Variants in BPTF observed in about 807,000 individuals in gnomAD.
BPTF encodes nucleosome-remodeling factor subunit BPTF.
In BPTF, 18 loss-of-function variants were observed where a neutral mutation model predicts 292.5. The ratio of observed to expected loss-of-function variants is 0.06; its 90% CI spans 0.04 to 0.09. BPTF has a LOEUF of 0.09. Ranked by LOEUF, BPTF falls within the 10% of genes least tolerant of loss-of-function variation. BPTF has a pLI of 1.00. For synonymous variants in BPTF, 1,225 were observed against 1,251.9 expected (o/e 0.98, Z 0.45); for missense variants, 2,726 against 3,498.7 (o/e 0.78, Z 5.57).
intron 1 of BPTF, among the ~76,000 whole-genome samples, chr17:67,838,297 C>T (rs1567868000): frequency 6.6e-6 from 1 of 152,140 alleles, no homozygotes; most frequent in African/African-American, 2.4e-5. Flanking sequence ...TTCGATAATT[C>T]GTTTAGGAAA....
chr17:67,846,225 C>T (rs1598204319), intron 1 of BPTF, among the ~76,000 whole-genome samples: 1 of 152,302 alleles, frequency 6.6e-6, no homozygotes, highest in East Asian at 1.9e-4. Context: ...CATGGTGGCT[C>T]ACACCTGTAA....
chr17:67,970,269 C>T (rs1019724145), intron 26 of BPTF, among the ~76,000 whole-genome samples: 8 of 151,802 alleles, frequency 5.3e-5, no homozygotes. Context: ...AGGCATGGTG[C>T]CTCATGCCTG....
intron 1 of BPTF, among the ~76,000 whole-genome samples, chr17:67,839,101 C>T (rs1368261097): frequency 6.6e-6 from 1 of 151,630 alleles, no homozygotes; most frequent in Non-Finnish European, 1.5e-5. Flanking sequence ...ATTACATTGC[C>T]CTCTACCATT....
chr17:67,856,179 C>T (rs144633999), intron 2 of BPTF, among the ~76,000 whole-genome samples: 2,464 of 152,144 alleles, frequency 0.016, 53 homozygotes, highest in African/African-American at 0.052. Flanking sequence ...CTCTTTTTCT[C>T]TTTGGGGTAT....
intron 25 of BPTF, chr17:67,966,225 A>G: frequency 4.9e-6 from 1 of 204,214 alleles, no homozygotes; most frequent in South Asian, 7.7e-5. Flanking sequence ...CAGCTGTGGT[A>G]ATGATTCCAC....
intron 23 of BPTF, among the ~76,000 whole-genome samples, chr17:67,950,257 C>A (rs2148045795): frequency 6.6e-6 from 1 of 150,798 alleles, no homozygotes; most frequent in African/African-American, 2.4e-5. Context: ...TGAGACTGTC[C>A]CCCCGCCCCC....
chr17:67,849,834 G>A lies in BPTF; in HGVS notation c.614-4106G>A, dbSNP rs542530803. On this transcript the variant is annotated intron_variant, in intron 1 of 27. Transcript: ENST00000306378. Reference sequence around the variant, plus strand: ...TGGGCACCTGTAGTCCCAGCTACTCGGGAGGCTGAGGCAGGAGAATCACTT... The same window carrying A: ...TGGGCACCTGTAGTCCCAGCTACTCAGGAGGCTGAGGCAGGAGAATCACTT... 3.3e-5 allele frequency among the ~76,000 whole-genome samples: 5 copies of A among 152,176 alleles called. No homozygotes were observed. In the East Asian group the frequency reaches 7.7e-4, roughly 24 times the overall value.
At chr17:67,944,404 T>G in intron 20 of BPTF, 32 bp downstream of exon 20, 4 of 1,603,100 alleles carry the variant, frequency 2.5e-6, no homozygotes, top group Non-Finnish European at 3.4e-6. Flanking sequence ...AAATGTCGGA[T>G]GTTACTACTA....
chr17:67,893,386 C>T lies in BPTF; in HGVS notation c.2072C>T (p.Ser691Phe), dbSNP rs765553989. ...TTTGGTCAGGTACTGGTAGTTAACTCTCAAGGAGAAATTTCACGGTTGAGC... is the reference window on the plus strand; with the variant it reads ...TTTGGTCAGGTACTGGTAGTTAACTTTCAAGGAGAAATTTCACGGTTGAGC... ...KEGKEVLVVN[S>F]QGEISRLSTK... Residue 691 changes from serine (S) to phenylalanine (F), a missense_variant, in exon 6 of 28, where the codon TCT becomes TTT. Around this residue, in one of 22 missense-constraint regions of BPTF, gnomAD observed 63 missense variants for 84.1 expected, o/e 0.75. Transcript: ENST00000306378. 1.2e-6 allele frequency: 2 copies of T among 1,613,812 alleles called. No individual in the cohort carries two copies. Among genetic ancestry groups the T allele is most frequent in the Non-Finnish European group, 1.7e-6 (2 of 1,179,880 alleles).
intron 4 of BPTF, among the ~76,000 whole-genome samples, chr17:67,883,366 C>T (rs977057726): frequency 6.6e-6 from 1 of 152,096 alleles, no homozygotes; most frequent in African/African-American, 2.4e-5. Context: ...CAACTTGATA[C>T]ACAGTTCATT....
Position 67,874,685 on chromosome 17 carries a change from G to A in BPTF, c.1661-132G>A, listed in dbSNP as rs1263339119. The A allele has an allele frequency of 5.0e-6, 3 of 605,868 alleles. No individual in the cohort carries two copies. In the East Asian group the frequency reaches 8.5e-5, roughly 17 times the overall value. The allele number at this position is 605,868 out of a possible 1,614,324, so 37.5% of individuals were successfully genotyped here. On this transcript the variant is annotated intron_variant, in intron 3 of 27. Transcript: ENST00000306378. ...TTGTAATCTTGATTTTTATTTCATA[G>A]GTCTAATGCTTTAAAAATACTTAAT...
At position 67,909,652 on chromosome 17, in the gene BPTF, A is replaced by T. The variant is rs754041893; in HGVS notation, c.2883A>T (p.Ile961=). The T allele has an allele frequency of 1.2e-6, 2 of 1,602,422 alleles. No homozygotes were observed. Among genetic ancestry groups the T allele is most frequent in the African/African-American group, 2.7e-5 (2 of 74,130 alleles). ...AATGTTCACGAAGTCCAAAAAAAAT[A>T]AAAATAGAGCCTGATTCTGAAAAAG... The part of the protein sequence containing the change: ...KRKCSRSPKK[I]KIEPDSEKDE... Residue 961 remains isoleucine (I), a synonymous_variant, in exon 10 of 28, where the codon ATA becomes ATT. Transcript: ENST00000306378.
At chr17:67,862,227 C>T (rs1176828465) in intron 2 of BPTF, among the ~76,000 whole-genome samples, 2 of 152,172 alleles carry the variant, frequency 1.3e-5, no homozygotes, top group African/African-American at 4.8e-5. Context: ...CCACCTGCCT[C>T]GGACTCCGAA....
chr17:67,910,562 G>C (rs2062584393), intron 10 of BPTF, among the ~76,000 whole-genome samples: 1 of 152,210 alleles, frequency 6.6e-6, no homozygotes, highest in South Asian at 2.1e-4. Context: ...CACTTTGGGA[G>C]GCTGAGGTGG....
chr17:67,965,019 A>AAT, intron 25 of BPTF: 1 of 149,588 alleles, frequency 6.7e-6, no homozygotes, highest in African/African-American at 2.5e-5. Flanking sequence ...AAAAAAAAAA[A>AAT]AGATTATAGT....
chr17:67,857,976 T>TG (rs1567914731), intron 2 of BPTF, among the ~76,000 whole-genome samples: 2 of 151,422 alleles, frequency 1.3e-5, no homozygotes, highest in African/African-American at 4.9e-5. Context: ...ATAGTAGAGA[T>TG]GGGGTTTCAC....
chr17:67,959,443 G>A (rs1568182832), intron 23 of BPTF, 98 bp from the exon 24 acceptor site: 5 of 938,948 alleles, frequency 5.3e-6, no homozygotes, highest in Admixed American at 2.8e-5. Context: ...GAACTGTGGA[G>A]CTACTTTGAC....
chr17:67,896,563 A>G (rs1045869415), intron 7 of BPTF, among the ~76,000 whole-genome samples: 3 of 152,260 alleles, frequency 2.0e-5, no homozygotes, highest in Non-Finnish European at 4.4e-5. Context: ...GGATAAATCT[A>G]TATACTACAT....
At chr17:67,944,475 C>T (rs2065642515) in intron 20 of BPTF, 103 bp downstream of exon 20, 2 of 1,332,048 alleles carry the variant, frequency 1.5e-6, no homozygotes, top group East Asian at 4.7e-5. Context: ...GAAGGATATG[C>T]CTCAAGCCAG....
Sources: allele counts gnomAD v4.1 joint callset (sites outside exome capture counted in the v4.1 genomes callset), GRCh38; gene constraint gnomAD v4.1.1; regional missense constraint gnomAD v4.1.1; transcripts MANE v1.5; gene names NCBI Gene and HGNC (gene_info 2026-07-23, HGNC 2026-07-21).